Variants in RIC3 observed in about 807,000 individuals in gnomAD.
RIC3 encodes the protein RIC3 acetylcholine receptor chaperone, also known as protein RIC-3.
In RIC3, 28 loss-of-function variants were observed where a neutral mutation model predicts 27.3. The ratio of observed to expected loss-of-function variants is 1.02; its 90% confidence interval spans 0.76 to 1.41. RIC3 has a LOEUF of 1.41. Ranked by LOEUF, RIC3 falls within the 40% of genes most tolerant of loss-of-function variation. The pLI, the probability that RIC3 is intolerant of heterozygous loss-of-function variation, is 0.00. For missense variants in RIC3, 501 were observed against 444.7 expected (o/e 1.13, Z -1.14); for synonymous variants, 184 against 160.4 (o/e 1.15, Z -1.11).
At chr11:8,120,688 C>A (rs1229531488) in intron 5 of RIC3, among the ~76,000 whole-genome samples, 1 of 151,094 alleles carries the variant, frequency 6.6e-6, no homozygotes, top group Non-Finnish European at 1.5e-5. Context: ...ATAAAAAAGA[C>A]ACCAATACCC....
At chr11:8,159,990 G>C (rs1590391307) in intron 1 of RIC3, among the ~76,000 whole-genome samples, 1 of 151,670 alleles carries the variant, frequency 6.6e-6, no homozygotes, top group South Asian at 2.1e-4. Flanking sequence ...AACAAAAAGA[G>C]AAAACATGCT....
At chr11:8,147,405 T>G (rs1479178778) in intron 1 of RIC3, among the ~76,000 whole-genome samples, 1 of 151,932 alleles carries the variant, frequency 6.6e-6, no homozygotes, top group East Asian at 1.9e-4. Context: ...TTATCAGACT[T>G]AAAAGGGTAC....
At chr11:8,099,466 A>G in the RIC3 span, among the ~76,000 whole-genome samples, 4 of 152,184 alleles carry the variant, frequency 2.6e-5, no homozygotes, top group Non-Finnish European at 5.9e-5. Flanking sequence ...AGTAATCCAC[A>G]GCTACTTTGT....
chr11:8,146,125 T>C (rs1474533688), intron 1 of RIC3, among the ~76,000 whole-genome samples: 1 of 152,200 alleles, frequency 6.6e-6, no homozygotes. Context: ...AATAGTGTAG[T>C]AGGGAGTTTG....
intron 1 of RIC3, among the ~76,000 whole-genome samples, chr11:8,154,815 A>T (rs1044597211): frequency 6.6e-6 from 1 of 152,224 alleles, no homozygotes; most frequent in Non-Finnish European, 1.5e-5. Context: ...CAGAACATAA[A>T]ACTGTAGGTT....
At chr11:8,115,997 T>G (rs1351492465) in intron 5 of RIC3, among the ~76,000 whole-genome samples, 3 of 152,180 alleles carry the variant, frequency 2.0e-5, no homozygotes, top group African/African-American at 7.2e-5. Context: ...TTCCCAAATC[T>G]ACTACAAAGC....
intron 4 of RIC3, chr11:8,135,877 T>C (rs1948340274): frequency 6.6e-6 from 1 of 152,156 alleles, no homozygotes; most frequent in South Asian, 2.1e-4. Flanking sequence ...GCCAGAAAAG[T>C]ATAATTGCAC....
At chr11:8,117,025 T>C (rs542920033) in intron 5 of RIC3, among the ~76,000 whole-genome samples, 2 of 152,342 alleles carry the variant, frequency 1.3e-5, no homozygotes, top group African/African-American at 4.8e-5. Context: ...CATGAATGGA[T>C]GAATAAAGAA....
chr11:8,148,811 G>A (rs930533685), intron 1 of RIC3, among the ~76,000 whole-genome samples: 2 of 152,012 alleles, frequency 1.3e-5, no homozygotes, highest in Non-Finnish European at 2.9e-5. Flanking sequence ...AGCAGCAGCA[G>A]CAGGGTATCA....
intron 4 of RIC3, among the ~76,000 whole-genome samples, chr11:8,129,347 A>G (rs921737719): frequency 1.3e-5 from 2 of 152,120 alleles, no homozygotes; most frequent in African/African-American, 4.8e-5. Context: ...CCAGTATTAC[A>G]GATTAGACCA....
chr11:8,139,326 G>A (rs1948775205), intron 2 of RIC3: 1 of 153,144 alleles, frequency 6.5e-6, no homozygotes, highest in African/African-American at 2.4e-5. Flanking sequence ...CACAGTACAG[G>A]GGCCAGGGGC....
At chr11:8,099,291 G>A in the RIC3 span, among the ~76,000 whole-genome samples, 1 of 152,204 alleles carries the variant, frequency 6.6e-6, no homozygotes, top group Admixed American at 6.5e-5. Context: ...TTATAGATGA[G>A]GAAACTGAAG....
chr11:8,110,503 A>T lies in RIC3; in HGVS notation c.*195T>A, dbSNP rs911320088. ...GAAAGAGCGAAGCTGTCCTGTGTTC[A>T]CACTAATGTCCGTGTTTTACAAGGT... On this transcript the variant is annotated 3_prime_UTR_variant, in exon 6 of 6. Coordinates refer to ENST00000309737, the MANE Select transcript of RIC3 (RefSeq NM_001206671.4). 11 of 670,230 alleles carry T rather than the reference A, an allele frequency of 1.6e-5. No individual in the cohort carries two copies. The African/African-American group carries it at 1.9e-4, about 12-fold the overall frequency. 41.5% of individuals were successfully genotyped at this position (670,230 alleles called of 1,614,324 possible).
chr11:8,168,751 A>C, intron 1 of RIC3, 115 bp downstream of exon 1: 1 of 1,408,912 alleles, frequency 7.1e-7, no homozygotes, highest in South Asian at 1.4e-5. Flanking sequence ...CTCTCCAGTC[A>C]GTTTGGTGGA....
chr11:8,130,549 C>G (rs973816440), intron 4 of RIC3, among the ~76,000 whole-genome samples: 21 of 152,102 alleles, frequency 1.4e-4, no homozygotes, highest in African/African-American at 3.6e-4. Flanking sequence ...ACCAAGGAAC[C>G]CTGATAAAGC....
At chr11:8,155,026 C>A (rs1157545748) in intron 1 of RIC3, among the ~76,000 whole-genome samples, 1 of 151,894 alleles carries the variant, frequency 6.6e-6, no homozygotes, top group Admixed American at 6.6e-5. Flanking sequence ...CAAGACCAGT[C>A]TGGGCAAGAT....
rs562685131 is a variant in RIC3, at chr11:8,150,917, G to A, written c.125-10724C>T. ...AAGTCATCCAGTCTTAATAAGTGGT[G>A]TGGGGACAGGTAGATATTCACATGT... On this transcript the variant is annotated intron_variant, in intron 1 of 5. Transcript: ENST00000309737. Among the ~76,000 whole-genome samples, 30 of 152,338 alleles carry A rather than the reference G, an allele frequency of 2.0e-4. 1 individual carries two copies. In the South Asian group the frequency reaches 3.5e-3, roughly 18 times the overall value.
At chr11:8,101,051 G>A in the RIC3 span, 1 of 1,604,582 alleles carries the variant, frequency 6.2e-7, no homozygotes, top group Non-Finnish European at 8.5e-7. Context: ...AAGGCCCTTA[G>A]CGTAGGGTTC....
intron 1 of RIC3, among the ~76,000 whole-genome samples, chr11:8,157,777 A>C (rs1429848665): frequency 1.3e-5 from 2 of 152,198 alleles, no homozygotes; most frequent in Non-Finnish European, 2.9e-5. Context: ...TCAATTTTAT[A>C]GTTTCTAGAA....
Sources: gnomAD v4.1 joint callset for allele counts (sites outside exome capture counted in the v4.1 genomes callset) on GRCh38, gnomAD v4.1.1 for gene constraint, MANE v1.5 for transcripts, NCBI Gene and HGNC (gene_info 2026-07-23, HGNC 2026-07-21) for gene names.